Variants in FER observed in about 807,000 individuals in gnomAD.
FER encodes FER tyrosine kinase, also known as tyrosine-protein kinase Fer.
In FER, 63 loss-of-function variants were observed where a neutral mutation model predicts 111.0. The observed-to-expected ratio is 0.57, with a 90% CI of 0.46 to 0.70. The LOEUF (loss-of-function observed/expected upper bound fraction) is 0.70. Ranked by LOEUF, FER falls within the 30% of genes least tolerant of loss-of-function variation. FER has a pLI of 0.00. For missense variants in FER, 914 were observed against 954.0 expected (o/e 0.96, Z 0.55); for synonymous variants, 327 against 313.9 (o/e 1.04, Z -0.44).
chr5:108,938,446 C>T (rs1755817011), intron 10 of FER, among the ~76,000 whole-genome samples: 3 of 151,848 alleles, frequency 2.0e-5, no homozygotes, highest in African/African-American at 7.3e-5. Context: ...ATATTTAGGG[C>T]CCATTTGAAG....
chr5:109,010,464 TC>T (rs1766116186), intron 13 of FER, among the ~76,000 whole-genome samples: 1 of 152,140 alleles, frequency 6.6e-6, no homozygotes, highest in South Asian at 2.1e-4. Context: ...GCCTTTTTTA[TC>T]CTTCTTTAAA....
intron 18 of FER, among the ~76,000 whole-genome samples, chr5:109,184,087 T>C (rs908443617): frequency 2.0e-5 from 3 of 152,172 alleles, no homozygotes; most frequent in Admixed American, 6.5e-5. Flanking sequence ...AAAGGTACTG[T>C]TTTTATAAGG....
intron 16 of FER, among the ~76,000 whole-genome samples, chr5:109,073,648 A>G (rs554536936): frequency 1.3e-5 from 2 of 152,280 alleles, no homozygotes; most frequent in East Asian, 3.9e-4. Context: ...TGATACTTTC[A>G]TATCCAAATA....
chr5:109,146,184 A>T lies in FER; in HGVS notation c.2049-34563A>T, dbSNP rs567453253. 1.5e-4 allele frequency among the ~76,000 whole-genome samples: 17 copies of T among 110,888 alleles called. No homozygotes were observed. In the East Asian group the frequency reaches 3.5e-3, roughly 23 times the overall value. The allele number at this position is 110,888 out of a possible 152,430, so 72.7% of individuals were successfully genotyped here. Reference sequence around the variant, plus strand: ...AATTACAGAATTTTGCAGCAAAAAAATACATATATATATAATCTATCTATT... The same window carrying T: ...AATTACAGAATTTTGCAGCAAAAAATTACATATATATATAATCTATCTATT... On this transcript the variant is annotated intron_variant, in intron 17 of 19. Transcript: ENST00000281092.
chr5:109,020,690 G>A (rs1017597750), intron 13 of FER, among the ~76,000 whole-genome samples: 6 of 151,948 alleles, frequency 3.9e-5, no homozygotes, highest in African/African-American at 1.2e-4. Flanking sequence ...CACACTTCGC[G>A]GCCGAGCTTT....
chr5:108,956,037 A>G (rs1042364689), intron 12 of FER, among the ~76,000 whole-genome samples: 2 of 151,772 alleles, frequency 1.3e-5, no homozygotes, highest in African/African-American at 4.8e-5. Context: ...AAGTATTTCC[A>G]CTATCATAAT....
intron 1 of FER, among the ~76,000 whole-genome samples, chr5:108,753,722 T>C (rs1037558621): frequency 2.6e-5 from 4 of 152,234 alleles, no homozygotes. Context: ...AGGAGCAGTA[T>C]TTTACAGATA....
intron 13 of FER, among the ~76,000 whole-genome samples, chr5:109,005,767 C>G (rs1001310252): frequency 6.6e-6 from 1 of 152,156 alleles, no homozygotes; most frequent in Admixed American, 6.6e-5. Context: ...TCCTTAGCAG[C>G]AAGGACCATG....
At chr5:108,749,636 T>A (rs1580353914) in intron 1 of FER, among the ~76,000 whole-genome samples, 1 of 152,154 alleles carries the variant, frequency 6.6e-6, no homozygotes, top group Non-Finnish European at 1.5e-5. Flanking sequence ...CCCCACCTCA[T>A]CTTTCTCCTC....
chr5:108,912,631 G>A (rs568483811), intron 10 of FER, among the ~76,000 whole-genome samples: 4 of 152,194 alleles, frequency 2.6e-5, no homozygotes, highest in Non-Finnish European at 5.9e-5. Context: ...AAAGTGCTGA[G>A]ATTGACTACA....
chr5:108,855,360 C>T (rs1762896467), intron 5 of FER, among the ~76,000 whole-genome samples: 1 of 151,858 alleles, frequency 6.6e-6, no homozygotes, highest in South Asian at 2.1e-4. Flanking sequence ...CGGCCGGGCG[C>T]GGTGGCTCAC....
intron 17 of FER, among the ~76,000 whole-genome samples, chr5:109,110,670 T>C (rs1285132678): frequency 6.6e-6 from 1 of 152,062 alleles, no homozygotes; most frequent in Admixed American, 6.6e-5. Context: ...TTATTATACT[T>C]TAAGTTTTAG....
chr5:108,914,884 G>T (rs1752053872), intron 10 of FER, among the ~76,000 whole-genome samples: 2 of 152,158 alleles, frequency 1.3e-5, no homozygotes, highest in Admixed American at 1.3e-4. Flanking sequence ...GAAGGCTTGG[G>T]AAAAGCTCTT....
At chr5:108,926,821 T>C (rs1753802693) in intron 10 of FER, among the ~76,000 whole-genome samples, 1 of 152,226 alleles carries the variant, frequency 6.6e-6, no homozygotes, top group Non-Finnish European at 1.5e-5. Context: ...ACAGATGTTC[T>C]TGACATCTTT....
chr5:108,932,858 T>C (rs1349974623), intron 10 of FER, among the ~76,000 whole-genome samples: 1 of 79,302 alleles, frequency 1.3e-5, no homozygotes, highest in Non-Finnish European at 2.5e-5. Flanking sequence ...TTTGCCCACT[T>C]TTTTTTTTTT....
At chr5:108,816,068 C>T (rs754801822) in intron 3 of FER, among the ~76,000 whole-genome samples, 10 of 151,908 alleles carry the variant, frequency 6.6e-5, no homozygotes, top group Non-Finnish European at 1.5e-4. Context: ...ACTACACCAC[C>T]GCCCCCCCAA....
At chr5:109,177,908 G>A (rs1048878290) in intron 17 of FER, among the ~76,000 whole-genome samples, 3 of 152,300 alleles carry the variant, frequency 2.0e-5, no homozygotes, top group East Asian at 1.9e-4. Context: ...AGGATTTGCA[G>A]TCTATAACAC....
At chr5:109,005,013 G>A (rs555427335) in intron 13 of FER, among the ~76,000 whole-genome samples, 51 of 151,858 alleles carry the variant, frequency 3.4e-4, no homozygotes, top group Non-Finnish European at 5.7e-4. Context: ...CTGATTTCTC[G>A]GAAACTAGCC....
intron 5 of FER, chr5:108,842,249 T>C (rs1761342269): frequency 6.6e-6 from 1 of 152,214 alleles, no homozygotes; most frequent in Non-Finnish European, 1.5e-5. Flanking sequence ...CAATTCTTTC[T>C]ACTTTTGTAT....
Sources: allele counts gnomAD v4.1 joint callset (sites outside exome capture counted in the v4.1 genomes callset), GRCh38; gene constraint gnomAD v4.1.1; transcripts MANE v1.5; gene names NCBI Gene and HGNC (gene_info 2026-07-23, HGNC 2026-07-21).